The following SIRT5 variants were observed in gnomAD, a reference collection of about 807,000 sequenced individuals.
SIRT5 encodes the protein sirtuin 5.
A neutral mutation model predicts 40.0 loss-of-function variants in SIRT5; 26 were observed. The observed-to-expected ratio is 0.65, with a 90% CI of 0.48 to 0.90. The LOEUF (loss-of-function observed/expected upper bound fraction) is 0.90, where lower values mean the gene tolerates loss of function less well. SIRT5 is among the 40% of genes least tolerant of loss of function. The pLI is 0.00. For missense variants in SIRT5, 401 were observed against 402.4 expected (o/e 1.00, Z 0.03); for synonymous variants, 146 against 149.1 (o/e 0.98, Z 0.15).
Position 13,607,295 on chromosome 6 carries a change from G to A in SIRT5, c.858-4495G>A, listed in dbSNP as rs962334773. 6.6e-6 allele frequency among the ~76,000 whole-genome samples: 1 copy of A among 151,528 alleles called. No homozygotes were observed. The highest frequency in any genetic ancestry group is 1.5e-5 in the Non-Finnish European group (1 of 67,900). On this transcript the variant is annotated intron_variant, in intron 9 of 9. Coordinates refer to ENST00000606117, the MANE Select transcript of SIRT5 (RefSeq NM_012241.5). The surrounding 1 kb of genome is among the most constrained non-coding windows in gnomAD (Gnocchi z 4.0). Reference sequence around the variant, plus strand: ...TGGCAAACACTGGATTACAACTTCTGGTTTTTGATATTTGTCTGTTTTTTT... The same window carrying A: ...TGGCAAACACTGGATTACAACTTCTAGTTTTTGATATTTGTCTGTTTTTTT...
intron 9 of SIRT5, chr6:13,605,583 A>G: frequency 1.0e-6 from 1 of 985,472 alleles, no homozygotes. Context: ...TGACAAAGGC[A>G]TAGAATTCTC....
At chr6:13,590,201 C>T (rs1365358625) in intron 4 of SIRT5, among the ~76,000 whole-genome samples, 2 of 152,106 alleles carry the variant, frequency 1.3e-5, no homozygotes, top group Admixed American at 6.5e-5. Context: ...TGAGTTTTAA[C>T]AGGTGCATGC....
chr6:13,575,994 T>G (rs751643183), intron 1 of SIRT5, among the ~76,000 whole-genome samples: 4 of 152,250 alleles, frequency 2.6e-5, no homozygotes, highest in Admixed American at 6.5e-5. Context: ...TTGCCTTCTG[T>G]TTTAAGACTG....
intron 9 of SIRT5, among the ~76,000 whole-genome samples, chr6:13,611,162 C>G (rs1490974371): frequency 6.8e-6 from 1 of 146,446 alleles, no homozygotes; most frequent in African/African-American, 2.5e-5. Context: ...CTCTTGTTCT[C>G]AGTACTACCT....
Position 13,599,167 on chromosome 6 carries a change from C to G in SIRT5, c.741+12C>G. 1 of 1,612,506 alleles carries G rather than the reference C, an allele frequency of 6.2e-7. No individual in the cohort carries two copies. The highest frequency in any genetic ancestry group is 8.5e-7 in the Non-Finnish European group (1 of 1,179,190). On this transcript the variant is annotated intron_variant, in intron 8 of 9. Coordinates refer to ENST00000606117, the MANE Select transcript of SIRT5 (RefSeq NM_012241.5). ...ATTTATGTCTAGTGGTGGGTCATGC[C>G]CTTCCCTAACCCCAGGACAGGACTG...
intron 7 of SIRT5, 88 bp from the exon 8 acceptor site, chr6:13,598,944 G>T: frequency 1.3e-6 from 2 of 1,518,456 alleles, no homozygotes; most frequent in Non-Finnish European, 1.8e-6. Flanking sequence ...CCATCTGGAT[G>T]TACTAGGTTT....
chr6:13,590,510 GGT>G (rs1450303410), intron 4 of SIRT5, among the ~76,000 whole-genome samples: 2 of 151,676 alleles, frequency 1.3e-5, no homozygotes, highest in Non-Finnish European at 2.9e-5. Flanking sequence ...TGTGCGTGTA[GGT>G]GTGTGTGGTT....
Position 13,615,088 on chromosome 6 carries a change from G to T in SIRT5, c.*3223G>T. 1 of 431,490 alleles carries T rather than the reference G, an allele frequency of 2.3e-6. No homozygotes were observed. The highest frequency in any genetic ancestry group is 4.1e-6 in the Non-Finnish European group (1 of 243,446). The allele number at this position is 431,490 out of a possible 1,614,324, so 26.7% of individuals were successfully genotyped here. Reference sequence around the variant, plus strand: ...CCCAGCCGAGGAGGGCAGCGCGATGGCTCTTCCCTGCCTTGAAATCAACCC... The same window carrying T: ...CCCAGCCGAGGAGGGCAGCGCGATGTCTCTTCCCTGCCTTGAAATCAACCC... On this transcript the variant is annotated 3_prime_UTR_variant, in exon 10 of 10. Coordinates refer to ENST00000606117, the MANE Select transcript of SIRT5 (RefSeq NM_012241.5).
Position 13,595,001 on chromosome 6 carries a change from G to A in SIRT5, c.476-476G>A, listed in dbSNP as rs192996616. On this transcript the variant is annotated intron_variant, in intron 5 of 9. Transcript: ENST00000606117. The stretch of plus-strand genomic sequence containing the variant: ...TTTGTCAGTCATGTCAATAAATCAC[G>A]CCCTTAGATTTAGGTTGAGCTCCCT... Among the ~76,000 whole-genome samples, 8 of 152,160 alleles carry A rather than the reference G, an allele frequency of 5.3e-5. No homozygotes were observed. The East Asian group carries it at 5.8e-4, about 11-fold the overall frequency.
intron 4 of SIRT5, among the ~76,000 whole-genome samples, chr6:13,591,124 ATTGAG>A (rs1760848508): frequency 6.6e-6 from 1 of 150,686 alleles, no homozygotes; most frequent in South Asian, 2.1e-4. Flanking sequence ...GTGTATGTAT[ATTGAG>A]TTGTGTGTGT....
chr6:13,593,784 G>A lies in SIRT5; in HGVS notation c.476-1693G>A, dbSNP rs1042932505. ...AAAGAGCTTGTTAAAACTTAGACAC[G>A]TTCTTTAGAAATTATATCTTTCCAG... On this transcript the variant is annotated intron_variant, in intron 5 of 9. Transcript: ENST00000606117. 3.3e-5 allele frequency among the ~76,000 whole-genome samples: 5 copies of A among 152,054 alleles called. No individual in the cohort carries two copies. In the South Asian group the frequency reaches 6.2e-4, roughly 19 times the overall value.
At chr6:13,592,766 C>G (rs1044789797) in intron 5 of SIRT5, among the ~76,000 whole-genome samples, 2 of 152,222 alleles carry the variant, frequency 1.3e-5, no homozygotes, top group Non-Finnish European at 2.9e-5. Flanking sequence ...GCTGTCACCA[C>G]AAATCTAAAA....
At chr6:13,592,242 T>C (rs1761012605) in intron 5 of SIRT5, among the ~76,000 whole-genome samples, 1 of 152,094 alleles carries the variant, frequency 6.6e-6, no homozygotes, top group Non-Finnish European at 1.5e-5. Context: ...ATCTGCATTT[T>C]CCCATGAGCC....
At chr6:13,599,813 C>T (rs1047447025) in intron 8 of SIRT5, among the ~76,000 whole-genome samples, 1 of 152,204 alleles carries the variant, frequency 6.6e-6, no homozygotes, top group African/African-American at 2.4e-5. Flanking sequence ...TAAGTTTGCC[C>T]ACCTCTGGTC....
intron 4 of SIRT5, among the ~76,000 whole-genome samples, chr6:13,589,831 G>A (rs568003293): frequency 3.3e-5 from 5 of 152,304 alleles, no homozygotes; most frequent in South Asian, 2.1e-4. Flanking sequence ...GAGGAGGGGC[G>A]CTTAGTTGCG....
intron 2 of SIRT5, among the ~76,000 whole-genome samples, chr6:13,581,611 A>T (rs1348863096): frequency 6.6e-6 from 1 of 152,204 alleles, no homozygotes; most frequent in African/African-American, 2.4e-5. Flanking sequence ...GTTTGTTCTT[A>T]TTGCTGAAGA....
At chr6:13,598,991 A>C in intron 7 of SIRT5, 41 bp from the exon 8 acceptor site, 1 of 1,608,774 alleles carries the variant, frequency 6.2e-7, no homozygotes, top group Non-Finnish European at 8.5e-7. Context: ...CCAGCTGGGC[A>C]GACTTGGCTC....
At chr6:13,602,348 G>A (rs1441552315) in intron 9 of SIRT5, among the ~76,000 whole-genome samples, 1 of 152,112 alleles carries the variant, frequency 6.6e-6, no homozygotes, top group African/African-American at 2.4e-5. Flanking sequence ...AACTTACTAT[G>A]TATTAACTAG....
Position 13,595,481 on chromosome 6 carries a change from C to T in SIRT5, c.480C>T (p.Ser160=). The T allele has an allele frequency of 6.2e-7, 1 of 1,613,352 alleles. No individual in the cohort carries two copies. Residue 160 remains serine, a synonymous_variant, in exon 6 of 10, where the codon AGC becomes AGT. Coordinates refer to ENST00000606117, the MANE Select transcript of SIRT5 (RefSeq NM_012241.5). The part of the protein sequence containing the change: ...GTKNLLEIHG[S]LFKTRCTSCG... ...TGCTTCATATGTATTTTTCAGGTAG[C>T]TTATTTAAAACTCGATGTACCTCTT...
Sources: allele counts gnomAD v4.1 joint callset (sites outside exome capture counted in the v4.1 genomes callset), GRCh38; gene constraint gnomAD v4.1.1; non-coding constraint Gnocchi (gnomAD v3.1); transcripts MANE v1.5; gene names NCBI Gene and HGNC (gene_info 2026-07-23, HGNC 2026-07-21).